The following PCDHGA5 variants were observed in gnomAD, a reference collection of about 807,000 sequenced individuals.
The protein encoded by PCDHGA5 is protocadherin gamma subfamily A, 5.
A neutral mutation model predicts 56.7 loss-of-function variants in PCDHGA5; 36 were observed. The ratio of observed to expected loss-of-function variants is 0.64; its 90% CI spans 0.49 to 0.84. The LOEUF (loss-of-function observed/expected upper bound fraction) is 0.84. PCDHGA5 is among the 40% of genes least tolerant of loss of function. PCDHGA5 has a pLI of 0.00. For missense variants in PCDHGA5, 1,305 were observed against 1,201.5 expected, an observed-to-expected ratio of 1.09 and a Z score of -1.27; for synonymous variants, 563 against 520.2, an observed-to-expected ratio of 1.08 and a Z score of -1.12.
At position 141,476,409 on chromosome 5, in the gene PCDHGA5, G is replaced by A. The variant is rs1226666958; in HGVS notation, c.2422-18398G>A. The A allele has an allele frequency of 6.2e-7, 1 of 1,614,154 alleles. No homozygotes were observed. The highest frequency in any genetic ancestry group is 1.7e-5 in the Admixed American group (1 of 60,030). ...GACCGTCTGGATCGAGAGGAGCTGT[G>A]TGGGACACTGCCCTCTTGCACTGTA... is the stretch of plus-strand genomic sequence containing the variant. On this transcript the variant is annotated intron_variant, in intron 1 of 3. Coordinates refer to ENST00000518069, the MANE Select transcript of PCDHGA5 (RefSeq NM_018918.3). The surrounding 1 kb of genome is among the most constrained non-coding windows in gnomAD (Gnocchi z 7.6).
At chr5:141,372,320 G>A (rs924868595) in intron 1 of PCDHGA5, 2 of 1,613,612 alleles carry the variant, frequency 1.2e-6, no homozygotes, top group Non-Finnish European at 1.7e-6. Context: ...GCCAGCGCCT[G>A]CTGGTCACTG....
At position 141,496,642 on chromosome 5, in the gene PCDHGA5, G is replaced by C. The variant is rs1053400475; in HGVS notation, c.2480+1777G>C. Among the ~76,000 whole-genome samples the C allele has an allele frequency of 6.6e-5, 10 of 152,318 alleles. No individual in the cohort carries two copies. In the East Asian group the frequency reaches 1.5e-3, roughly 24 times the overall value. ...AGATCAAAAGGCTTGGGCTGCCCTT[G>C]CCCTTCCTTTGACCCCAGCTGTTGT... On this transcript the variant is annotated intron_variant, in intron 2 of 3. Transcript: ENST00000518069.
intron 1 of PCDHGA5, chr5:141,379,506 A>T (rs774188975): frequency 9.2e-5 from 14 of 152,280 alleles, no homozygotes; most frequent in Non-Finnish European, 1.8e-4. Context: ...TGGGATGTTA[A>T]ACTACATCTT....
intron 1 of PCDHGA5, among the ~76,000 whole-genome samples, chr5:141,473,195 C>T (rs1053769499): frequency 6.6e-6 from 1 of 152,104 alleles, no homozygotes; most frequent in African/African-American, 2.4e-5. Flanking sequence ...GTAAATGTAT[C>T]TTCTAAAAAA....
chr5:141,404,902 C>T, intron 1 of PCDHGA5: 1 of 1,613,856 alleles, frequency 6.2e-7, no homozygotes, highest in Non-Finnish European at 8.5e-7. Context: ...AGGACCATGG[C>T]CAGCCCCCTC....
intron 1 of PCDHGA5, chr5:141,427,240 C>G (rs1447231420): frequency 1.3e-5 from 6 of 456,536 alleles, no homozygotes; most frequent in Non-Finnish European, 2.6e-5. Context: ...AGAGTAGAAG[C>G]TAAGGATGGT....
At chr5:141,425,802 C>T (rs966768224) in intron 1 of PCDHGA5, among the ~76,000 whole-genome samples, 6 of 152,160 alleles carry the variant, frequency 3.9e-5, no homozygotes, top group African/African-American at 1.4e-4. Context: ...ATGTGCATTG[C>T]TTCTGCTTAG....
Position 141,364,546 on chromosome 5 carries a change from G to C in PCDHGA5, c.216G>C (p.Thr72=), listed in dbSNP as rs149041036. 36,067 of 1,614,110 alleles carry C rather than the reference G, an allele frequency of 0.022. 502 individuals are homozygous for C. Among genetic ancestry groups the C allele is most frequent in the Non-Finnish European group, 0.025 (28,995 of 1,179,958 alleles). The change falls in exon 1 of 4, where the codon ACG becomes ACC. Residue 72 remains threonine (T), a synonymous_variant. Coordinates refer to ENST00000518069, the MANE Select transcript of PCDHGA5 (RefSeq NM_018918.3). ...RGVRIVSRGR[T]QLFALNPRSG... ...TCCGCATCGTCTCCAGAGGTAGGAC[G>C]CAGCTTTTTGCCCTGAACCCGCGAA...
intron 1 of PCDHGA5, chr5:141,478,024 C>T: frequency 2.5e-6 from 4 of 1,614,188 alleles, no homozygotes; most frequent in Non-Finnish European, 3.4e-6. Context: ...CAGTCCAAGA[C>T]ACAGATTCAC....
At chr5:141,372,161 C>A in intron 1 of PCDHGA5, 1 of 1,613,776 alleles carries the variant, frequency 6.2e-7, no homozygotes, top group Non-Finnish European at 8.5e-7. Flanking sequence ...ACCTGGTGAC[C>A]AAGGTGGTGG....
intron 1 of PCDHGA5, chr5:141,423,023 C>G (rs1410040994): frequency 6.2e-7 from 1 of 1,614,222 alleles, no homozygotes; most frequent in Non-Finnish European, 8.5e-7. Context: ...GACAAAGATT[C>G]AGGCCAGAAC....
chr5:141,445,416 T>C lies in PCDHGA5; in HGVS notation c.2422-49391T>C, dbSNP rs190826518. ...TAACAAATATTTATTAACTGTCTGC[T>C]ATATGCAAGGCACTGACCTATGGAC... On this transcript the variant is annotated intron_variant, in intron 1 of 3. Coordinates refer to ENST00000518069, the MANE Select transcript of PCDHGA5 (RefSeq NM_018918.3). 2.2e-3 allele frequency among the ~76,000 whole-genome samples: 336 copies of C among 152,342 alleles called. 1 individual carries two copies. The highest frequency in any genetic ancestry group is 0.01 in the Middle Eastern group (3 of 294).
Position 141,398,941 on chromosome 5 carries a change from G to A in PCDHGA5, c.2421+32190G>A. 4.3e-6 allele frequency: 7 copies of A among 1,613,890 alleles called. No homozygotes were observed. The highest frequency in any genetic ancestry group is 5.9e-6 in the Non-Finnish European group (7 of 1,179,892). ...AGTGTCAGCCACTGACCAAGACGAG[G>A]GCATCAACTCAGAAATTACTTATTC... is the stretch of plus-strand genomic sequence containing the variant. On this transcript the variant is annotated intron_variant, in intron 1 of 3. Transcript: ENST00000518069.
intron 1 of PCDHGA5, chr5:141,418,952 G>T: frequency 1.9e-6 from 3 of 1,614,050 alleles, no homozygotes; most frequent in Non-Finnish European, 2.5e-6. Context: ...TCCAGGAGTG[G>T]TTGTTGCCCT....
chr5:141,421,443 G>A (rs1561793987), intron 1 of PCDHGA5: 4 of 1,614,106 alleles, frequency 2.5e-6, no homozygotes, highest in Non-Finnish European at 2.5e-6. Flanking sequence ...CCAGAGGGAA[G>A]ACACAGCTTT....
At chr5:141,414,964 G>C (rs1245472476) in intron 1 of PCDHGA5, 11 of 1,613,874 alleles carry the variant, frequency 6.8e-6, no homozygotes, top group Non-Finnish European at 9.3e-6. Context: ...CAAGGTGGTG[G>C]CGGTGGACAG....
intron 3 of PCDHGA5, among the ~76,000 whole-genome samples, chr5:141,505,698 G>A (rs1041309644): frequency 2.0e-5 from 3 of 152,280 alleles, no homozygotes; most frequent in Admixed American, 6.5e-5. Context: ...GGAGGAGAGC[G>A]AACAAGGAAA....
intron 1 of PCDHGA5, chr5:141,430,896 G>A: frequency 6.2e-7 from 1 of 1,606,012 alleles, no homozygotes; most frequent in Admixed American, 1.7e-5. Context: ...TCTAGGGTGG[G>A]CGACATCTCC....
intron 1 of PCDHGA5, among the ~76,000 whole-genome samples, chr5:141,373,098 C>A (rs1402463048): frequency 6.6e-6 from 1 of 152,208 alleles, no homozygotes; most frequent in African/African-American, 2.4e-5. Flanking sequence ...CTGTCATTTT[C>A]AGACATATCT....
Sources: gnomAD v4.1 joint callset for allele counts (sites outside exome capture counted in the v4.1 genomes callset) on GRCh38, gnomAD v4.1.1 for gene constraint, Gnocchi (gnomAD v3.1) non-coding constraint, MANE v1.5 for transcripts, NCBI Gene and HGNC (gene_info 2026-07-23, HGNC 2026-07-21) for gene names.